RTKN2: variants seen among roughly 807,000 people sequenced by gnomAD.
The protein encoded by RTKN2 is rhotekin-2.
In RTKN2, 69 loss-of-function variants were observed where a neutral mutation model predicts 71.5. The ratio of observed to expected loss-of-function variants is 0.96; its 90% CI spans 0.79 to 1.18. The LOEUF is 1.18. Ranked by LOEUF, RTKN2 falls within the 50% of genes most tolerant of loss-of-function variation. The pLI is 0.00. For missense variants in RTKN2, 724 were observed against 719.7 expected (o/e 1.01, Z -0.07); for synonymous variants, 236 against 236.5 (o/e 1.00, Z 0.02).
At chr10:62,257,511 G>A (rs1589384623) in intron 2 of RTKN2, among the ~76,000 whole-genome samples, 1 of 152,278 alleles carries the variant, frequency 6.6e-6, no homozygotes, top group East Asian at 1.9e-4. Flanking sequence ...GAGAATGAAA[G>A]ATATGGCACT....
intron 6 of RTKN2, among the ~76,000 whole-genome samples, chr10:62,235,299 T>C (rs1457000034): frequency 2.0e-5 from 3 of 152,098 alleles, no homozygotes; most frequent in Non-Finnish European, 2.9e-5. Context: ...TTTTATTTAG[T>C]TAAGTATGAT....
intron 2 of RTKN2, 21 bp from the exon 3 acceptor site, chr10:62,246,078 A>C (rs1564523219): frequency 2.6e-6 from 4 of 1,516,308 alleles, no homozygotes; most frequent in Non-Finnish European, 3.6e-6. Flanking sequence ...AAAAAAACTT[A>C]TGGAAAAAAG....
exon 9 of RTKN2, chr10:62,184,383 T>C: frequency 6.5e-7 from 1 of 1,536,346 alleles, no homozygotes; most frequent in South Asian, 1.2e-5. Context: ...TTGATTACTA[T>C]TATTCTGAAA....
chr10:62,215,161 GA>G lies in RTKN2; in HGVS notation c.1020+1956del, dbSNP rs1564506482. 1.4e-5 allele frequency: 13 copies of G among 941,172 alleles called. No homozygotes were observed. The Admixed American group carries it at 2.2e-4, about 16-fold the overall frequency. The allele number at this position is 941,172 out of a possible 1,614,324, so 58.3% of individuals were successfully genotyped here. ...GAATATTCTATGGTATAAAATATAA[GA>G]AAAAAATTAGTAGGATTTCATTTTT... On this transcript the variant is annotated intron_variant, in intron 9 of 11. Transcript: ENST00000373789.
At chr10:62,232,213 A>G (rs1487751311) in intron 6 of RTKN2, among the ~76,000 whole-genome samples, 1 of 152,210 alleles carries the variant, frequency 6.6e-6, no homozygotes, top group Non-Finnish European at 1.5e-5. Context: ...TCCAAGATCT[A>G]TATGGCTGTC....
chr10:62,217,105 G>T lies in RTKN2; in HGVS notation c.1020+13C>A. On this transcript the variant is annotated intron_variant, in intron 9 of 11. Transcript: ENST00000373789. ...AGATGTATATTTTTTTCTCAAAATA[G>T]CATTTCCTTTACCTTGTTAATGGGT... 6.5e-7 allele frequency: 1 copy of T among 1,541,416 alleles called. No homozygotes were observed.
chr10:62,241,780 C>A (rs551519276), intron 3 of RTKN2, among the ~76,000 whole-genome samples: 2 of 152,242 alleles, frequency 1.3e-5, no homozygotes, highest in East Asian at 3.9e-4. Flanking sequence ...CTCACTGCAA[C>A]CTCCGCCTCC....
exon 9 of RTKN2, chr10:62,184,276 T>G: frequency 8.3e-7 from 1 of 1,211,928 alleles, no homozygotes; most frequent in Non-Finnish European, 1.2e-6. Context: ...AATGTCACAT[T>G]GTATTTTAAA....
chr10:62,239,998 C>T (rs981367719), intron 4 of RTKN2, among the ~76,000 whole-genome samples: 9 of 152,038 alleles, frequency 5.9e-5, no homozygotes, highest in Admixed American at 5.9e-4. Context: ...ACAGGCCTCT[C>T]AGCAGCCTAA....
Position 62,241,191 on chromosome 10 carries a change from A to G in RTKN2, c.321T>C (p.Ile107=). 6.4e-7 allele frequency: 1 copy of G among 1,560,750 alleles called. No homozygotes were observed. Among genetic ancestry groups the G allele is most frequent in the Non-Finnish European group, 8.8e-7 (1 of 1,138,810 alleles). ...AGTCTTTCCACATTAGTGGTATTCG[A>G]ATATCTATAAAGAAGGGAAAAAGAA... The part of the protein sequence containing the change: ...ACKGKIAISD[I]RIPLMWKDSD... Residue 107 remains isoleucine (I), a synonymous_variant, in exon 4 of 12, where the codon ATT becomes ATC. Coordinates refer to ENST00000373789, the MANE Select transcript of RTKN2 (RefSeq NM_145307.4).
chr10:62,205,755 C>T (rs1346410807), intron 9 of RTKN2, among the ~76,000 whole-genome samples: 1 of 152,098 alleles, frequency 6.6e-6, no homozygotes, highest in African/African-American at 2.4e-5. Context: ...CTTATTGATT[C>T]TATACTTAGA....
At position 62,195,092 on chromosome 10, in the gene RTKN2, A is replaced by C. The variant is rs1841295469; in HGVS notation, c.*2816T>G. The C allele has an allele frequency of 1.0e-6, 1 of 983,142 alleles. No individual in the cohort carries two copies. The highest frequency in any genetic ancestry group is 1.2e-6 in the Non-Finnish European group (1 of 827,982). The allele number at this position is 983,142 out of a possible 1,614,324, so 60.9% of individuals were successfully genotyped here. On this transcript the variant is annotated 3_prime_UTR_variant, in exon 12 of 12. Coordinates refer to ENST00000373789, the MANE Select transcript of RTKN2 (RefSeq NM_145307.4). ...AAGTTACCACTTAGTAGCAATTAAAAATAATACTATCTTAATGCTGACTAC... is the reference window on the plus strand; with the variant it reads ...AAGTTACCACTTAGTAGCAATTAAACATAATACTATCTTAATGCTGACTAC...
At chr10:62,249,880 A>C (rs1042172473) in intron 2 of RTKN2, among the ~76,000 whole-genome samples, 3 of 152,222 alleles carry the variant, frequency 2.0e-5, no homozygotes, top group Non-Finnish European at 2.9e-5. Flanking sequence ...AAGAGGCACT[A>C]AACCATTTGT....
chr10:62,214,958 G>C (rs758829037), intron 9 of RTKN2: 1 of 680,486 alleles, frequency 1.5e-6, no homozygotes, highest in Non-Finnish European at 2.5e-6. Context: ...TCTGATCTCT[G>C]AGACTATTTC....
At position 62,193,273 on chromosome 10, in the gene RTKN2, A is replaced by G; in HGVS notation, c.*4635T>C. On this transcript the variant is annotated 3_prime_UTR_variant, in exon 12 of 12. Coordinates refer to ENST00000373789, the MANE Select transcript of RTKN2 (RefSeq NM_145307.4). ...TGTATATACAAGATCTTTTCAATCT[A>G]CCTCTCCTTTAGTAGTTACATTAAG... The G allele has an allele frequency of 3.1e-6, 3 of 969,832 alleles. No homozygotes were observed. Among genetic ancestry groups the G allele is most frequent in the Non-Finnish European group, 3.7e-6 (3 of 815,802 alleles). The allele number at this position is 969,832 out of a possible 1,614,324, so 60.1% of individuals were successfully genotyped here.
In RTKN2 at chr10:62,195,152, A is replaced by C. The variant is rs1182425160; in HGVS notation, c.*2756T>G. The C allele has an allele frequency of 1.0e-6, 1 of 976,976 alleles. No individual in the cohort carries two copies. Among genetic ancestry groups the C allele is most frequent in the Non-Finnish European group, 1.2e-6 (1 of 822,364 alleles). 60.5% of individuals were successfully genotyped at this position (976,976 alleles called of 1,614,324 possible). On this transcript the variant is annotated 3_prime_UTR_variant, in exon 12 of 12. Transcript: ENST00000373789. ...ATCCCAGAGCTTGAAATGTAAAGGT[A>C]ATTGTCTAAGACATTATCTTTAGAT... is the stretch of plus-strand genomic sequence containing the variant.
Position 62,195,362 on chromosome 10 carries a change from A to G in RTKN2, c.*2546T>C. On this transcript the variant is annotated 3_prime_UTR_variant, in exon 12 of 12. Coordinates refer to ENST00000373789, the MANE Select transcript of RTKN2 (RefSeq NM_145307.4). ...AGCTTTCATATTACATGGCATATTTATTTGTCATAAACTTCTGGTTTAAGA... is the reference window on the plus strand; with the variant it reads ...AGCTTTCATATTACATGGCATATTTGTTTGTCATAAACTTCTGGTTTAAGA... The G allele has an allele frequency of 1.0e-6, 1 of 984,296 alleles. No individual in the cohort carries two copies. Among genetic ancestry groups the G allele is most frequent in the Non-Finnish European group, 1.2e-6 (1 of 828,890 alleles). The allele number at this position is 984,296 out of a possible 1,614,324, so 61.0% of individuals were successfully genotyped here. A position where few individuals can be genotyped will look rare whatever the true frequency, so the allele number is the denominator to read the frequency against.
intron 3 of RTKN2, among the ~76,000 whole-genome samples, chr10:62,245,655 T>C (rs1367241735): frequency 6.6e-6 from 1 of 152,114 alleles, no homozygotes; most frequent in South Asian, 2.1e-4. Context: ...AACATTATTA[T>C]AGCTTCTGAG....
At chr10:62,227,626 A>G (rs532224984) in intron 6 of RTKN2, among the ~76,000 whole-genome samples, 4 of 152,312 alleles carry the variant, frequency 2.6e-5, no homozygotes, top group Non-Finnish European at 5.9e-5. Flanking sequence ...TGAGATGTGC[A>G]GCAAATGGTA....
Sources: allele counts gnomAD v4.1 joint callset (sites outside exome capture counted in the v4.1 genomes callset), GRCh38; gene constraint gnomAD v4.1.1; transcripts MANE v1.5; gene names NCBI Gene and HGNC (gene_info 2026-07-23, HGNC 2026-07-21).